The following NPIPA8 variants were observed in gnomAD, a reference collection of about 807,000 sequenced individuals.
The protein encoded by NPIPA8 is nuclear pore complex interacting protein family member A8, also known as nuclear pore complex-interacting protein family member A8.
In NPIPA8, 1 loss-of-function variant was observed where a neutral mutation model predicts 7.1. That is an observed-to-expected ratio of 0.14 (90% CI 0.05 to 0.66). The LOEUF (loss-of-function observed/expected upper bound fraction) is 0.66. NPIPA8 is among the 30% of genes least tolerant of loss of function. The pLI is 0.84.
At chr16:18,336,024 G>T (rs1466775818), upstream of NPIPA8, among the ~76,000 whole-genome samples, 2 of 151,704 alleles carry the variant, frequency 1.3e-5, no homozygotes, top group African/African-American at 4.9e-5. Flanking sequence ...GTTTCATTGT[G>T]TTGGCCAGGC....
At chr16:18,336,244 A>C, upstream of NPIPA8, among the ~76,000 whole-genome samples, 1 of 121,162 alleles carries the variant, frequency 8.3e-6, no homozygotes, top group African/African-American at 3.5e-5. Context: ...GAGCCACCAC[A>C]CCCGGCCCGG....
chr16:18,323,565 C>A (rs1900038383), intron 4 of NPIPA8, among the ~76,000 whole-genome samples: 1 of 64,732 alleles, frequency 1.5e-5, no homozygotes, highest in South Asian at 5.3e-4. Flanking sequence ...TGGCTCACGC[C>A]TCTAATCCCA....
rs750129798 is a variant in NPIPA8, at chr16:18,323,847, A to AAAG, written c.437+243_437+244insCTT. Among the ~76,000 whole-genome samples the AAAG allele has an allele frequency of 5.4e-3, 498 of 91,596 alleles. 44 individuals carry two copies. Among genetic ancestry groups the AAAG allele is most frequent in the African/African-American group, 0.012 (329 of 26,558 alleles). The allele number at this position is 91,596 out of a possible 152,430, so 60.1% of individuals were successfully genotyped here. On this transcript the variant is annotated intron_variant, in intron 4 of 7. Transcript: ENST00000541810. ...AAAAAAAAAAAAAAAAAAAAAAAAA[A>AAAG]AGAGAAAGGAAAACCAATGCCAGTA...
upstream of NPIPA8, among the ~76,000 whole-genome samples, chr16:18,336,183 G>A (rs1900177354): frequency 9.1e-6 from 1 of 110,230 alleles, no homozygotes; most frequent in African/African-American, 3.9e-5. Flanking sequence ...TCAAACTCCT[G>A]GACTCAGATC....
upstream of NPIPA8, among the ~76,000 whole-genome samples, chr16:18,335,818 A>ATT (rs566075256): frequency 7.0e-5 from 9 of 128,410 alleles, no homozygotes; most frequent in African/African-American, 2.3e-4. Context: ...TCTTTGTGGG[A>ATT]TTTTTTTTTT....
upstream of NPIPA8, among the ~76,000 whole-genome samples, chr16:18,335,228 C>T (rs1338718374): frequency 7.0e-5 from 2 of 28,764 alleles, no homozygotes; most frequent in Admixed American, 5.8e-4. Flanking sequence ...GATGGAGTCT[C>T]GCTCTGTCAC....
upstream of NPIPA8, among the ~76,000 whole-genome samples, chr16:18,336,335 C>T (rs1354951495): frequency 1.2e-4 from 10 of 82,244 alleles, no homozygotes; most frequent in African/African-American, 5.0e-4. Context: ...GAGTGCATTT[C>T]GGAAGCGTGC....
At chr16:18,325,263 C>T (rs1333445994) in intron 2 of NPIPA8, among the ~76,000 whole-genome samples, 3 of 31,048 alleles carry the variant, frequency 9.7e-5, no homozygotes, top group African/African-American at 1.6e-4. Context: ...GGTGAAACCC[C>T]GTCTCTACTA....
chr16:18,336,139 T>G (rs1400543196), upstream of NPIPA8, among the ~76,000 whole-genome samples: 1 of 121,658 alleles, frequency 8.2e-6, no homozygotes, highest in Admixed American at 8.4e-5. Context: ...ATGTTTTATA[T>G]AGATGGGGTC....
At chr16:18,335,587 G>A (rs1469392363), upstream of NPIPA8, among the ~76,000 whole-genome samples, 578 of 102,402 alleles carry the variant, frequency 5.6e-3, 22 homozygotes, top group Middle Eastern at 0.018. Flanking sequence ...CCTCCTGGTC[G>A]CGGCTTATGC....
At chr16:18,335,420 G>C (rs1275197224), upstream of NPIPA8, among the ~76,000 whole-genome samples, 7 of 107,962 alleles carry the variant, frequency 6.5e-5, no homozygotes, top group Non-Finnish European at 9.5e-5. Flanking sequence ...GCTGGTCTTG[G>C]AACTCCTGAC....
upstream of NPIPA8, among the ~76,000 whole-genome samples, chr16:18,335,909 C>T (rs1317455259): frequency 3.4e-5 from 5 of 145,888 alleles, no homozygotes; most frequent in African/African-American, 1.3e-4. Context: ...CAAGCTCCGC[C>T]TCCTGGGTTC....
chr16:18,325,161 G>T lies in NPIPA8; in HGVS notation c.193-663C>A, dbSNP rs1284570094. 3.6e-5 allele frequency among the ~76,000 whole-genome samples: 3 copies of T among 84,058 alleles called. 1 individual carries two copies. Among genetic ancestry groups the T allele is most frequent in the African/African-American group, 1.5e-4 (3 of 20,058 alleles). 55.1% of individuals were successfully genotyped at this position (84,058 alleles called of 152,430 possible). A position where few individuals can be genotyped will look rare whatever the true frequency, so the allele number is the denominator to read the frequency against. On this transcript the variant is annotated intron_variant, in intron 2 of 7. Transcript: ENST00000541810. ...AAAAAAAAAAAAAAAAATAGGCCAGGTGCTGTAGCTCACGCCTGTAATCCC... is the reference window on the plus strand; with the variant it reads ...AAAAAAAAAAAAAAAAATAGGCCAGTTGCTGTAGCTCACGCCTGTAATCCC...
intron 4 of NPIPA8, among the ~76,000 whole-genome samples, chr16:18,323,827 A>C (rs1044730808): frequency 9.3e-6 from 1 of 107,120 alleles, no homozygotes; most frequent in Non-Finnish European, 2.0e-5. Context: ...AGGAAAAAAA[A>C]AAAAAAAAAA....
chr16:18,323,819 GAAAAAAAAAAAAAAAAAA>G lies in NPIPA8; in HGVS notation c.437+254_437+271del, dbSNP rs1162097124. Among the ~76,000 whole-genome samples, 5 of 33,136 alleles carry G rather than the reference GAAAAAAAAAAAAAAAAAA, an allele frequency of 1.5e-4. No homozygotes were observed. The East Asian group carries it at 7.4e-3, about 49-fold the overall frequency. The allele number at this position is 33,136 out of a possible 152,430, so 21.7% of individuals were successfully genotyped here. On this transcript the variant is annotated intron_variant, in intron 4 of 7. Transcript: ENST00000541810. ...CAACAAGAGCAAAGCCCCATCTCAG[GAAAAAAAAAAAAAAAAAA>G]AAAAAAAAAAAGAGAAAGGAAAACC...
At chr16:18,335,913 T>G (rs1349751511), upstream of NPIPA8, among the ~76,000 whole-genome samples, 1 of 146,066 alleles carries the variant, frequency 6.8e-6, no homozygotes, top group African/African-American at 2.6e-5. Context: ...CTCCGCCTCC[T>G]GGGTTCATGC....
At chr16:18,335,958 C>T (rs2141364748), upstream of NPIPA8, among the ~76,000 whole-genome samples, 1 of 150,990 alleles carries the variant, frequency 6.6e-6, no homozygotes, top group South Asian at 2.1e-4. Flanking sequence ...GTAGCTGGGA[C>T]TACAGGCGCC....
rs564553737 is a variant in NPIPA8 at position 18,323,873 on chromosome 16, C to A, written c.437+218G>T. Among the ~76,000 whole-genome samples, 2 of 115,346 alleles carry A rather than the reference C, an allele frequency of 1.7e-5. 1 individual carries two copies. The highest frequency in any genetic ancestry group is 2.0e-4 in the Admixed American group (2 of 10,082). 75.7% of individuals were successfully genotyped at this position (115,346 alleles called of 152,430 possible). The stretch of plus-strand genomic sequence containing the variant: ...AGAGAAAGGAAAACCAATGCCAGTA[C>A]TAGCAACTCCTCTTCCCCTGAAAAA... On this transcript the variant is annotated intron_variant, in intron 4 of 7. Transcript: ENST00000541810.
upstream of NPIPA8, among the ~76,000 whole-genome samples, chr16:18,335,821 T>C (rs1260371168): frequency 1.5e-5 from 2 of 135,652 alleles, no homozygotes; most frequent in Non-Finnish European, 3.1e-5. Context: ...TTGTGGGATT[T>C]TTTTTTTCTT....
Sources: allele counts gnomAD v4.1 joint callset (sites outside exome capture counted in the v4.1 genomes callset), GRCh38; gene constraint gnomAD v4.1.1; transcripts MANE v1.5; gene names NCBI Gene and HGNC (gene_info 2026-07-23, HGNC 2026-07-21).